PCCA: variants seen among roughly 807,000 people sequenced by gnomAD.
PCCA encodes the protein propionyl-CoA carboxylase subunit alpha.
In PCCA, 74 loss-of-function variants were observed where a neutral mutation model predicts 101.3. The observed-to-expected ratio is 0.73, with a 90% confidence interval of 0.61 to 0.89. The LOEUF (loss-of-function observed/expected upper bound fraction) is 0.89, where lower values mean the gene tolerates loss of function less well. Ranked by LOEUF, PCCA falls within the 40% of genes least tolerant of loss-of-function variation. PCCA has a pLI of 0.00. For missense variants in PCCA, 891 were observed against 907.0 expected (o/e 0.98, Z 0.23); for synonymous variants, 294 against 313.6 (o/e 0.94, Z 0.66).
At chr13:100,527,442 C>G (rs2087937544) in intron 22 of PCCA, 1 of 564,246 alleles carries the variant, frequency 1.8e-6, no homozygotes, top group African/African-American at 1.9e-5. Flanking sequence ...GTCCCCACTT[C>G]TCCAGGGTCA....
At chr13:100,325,347 G>A (rs1419496058) in intron 16 of PCCA, among the ~76,000 whole-genome samples, 1 of 152,172 alleles carries the variant, frequency 6.6e-6, no homozygotes, top group African/African-American at 2.4e-5. Context: ...GCTGGAGAAT[G>A]TATTGCCAAC....
Position 100,241,471 on chromosome 13 carries a change from T to C in PCCA, c.637+5593T>C, listed in dbSNP as rs1167068341. Among the ~76,000 whole-genome samples the C allele has an allele frequency of 3.9e-5, 6 of 152,136 alleles. No individual in the cohort carries two copies. The East Asian group carries it at 1.2e-3, about 29-fold the overall frequency. On this transcript the variant is annotated intron_variant, in intron 8 of 23. Coordinates refer to ENST00000376285, the MANE Select transcript of PCCA (RefSeq NM_000282.4). Reference sequence around the variant, plus strand: ...TATTGTATGTACATGCCACATTTTGTCTGTTTTTTATTTTTTTGAGATAGG... The same window carrying C: ...TATTGTATGTACATGCCACATTTTGCCTGTTTTTTATTTTTTTGAGATAGG...
intron 12 of PCCA, among the ~76,000 whole-genome samples, chr13:100,284,224 G>T (rs1267423387): frequency 6.6e-6 from 1 of 152,212 alleles, no homozygotes; most frequent in African/African-American, 2.4e-5. Context: ...CTTTTCACAT[G>T]CCTTTCTTGT....
chr13:100,410,331 C>G (rs1203620220), intron 19 of PCCA, among the ~76,000 whole-genome samples: 1 of 152,220 alleles, frequency 6.6e-6, no homozygotes, highest in African/African-American at 2.4e-5. Flanking sequence ...CAACCTCCAC[C>G]TCCTGGGTTC....
At chr13:100,132,470 A>G (rs1341111860) in intron 4 of PCCA, among the ~76,000 whole-genome samples, 1 of 152,136 alleles carries the variant, frequency 6.6e-6, no homozygotes, top group Non-Finnish European at 1.5e-5. Context: ...ATTCATCCAA[A>G]CTGTTGTGTG....
intron 2 of PCCA, among the ~76,000 whole-genome samples, chr13:100,105,486 T>A (rs1438677589): frequency 6.6e-6 from 1 of 151,980 alleles, no homozygotes; most frequent in Non-Finnish European, 1.5e-5. Flanking sequence ...TTCAGCCATC[T>A]TTCTCCTTAT....
chr13:100,436,174 C>T (rs986371296), intron 20 of PCCA, among the ~76,000 whole-genome samples: 1 of 152,168 alleles, frequency 6.6e-6, no homozygotes, highest in African/African-American at 2.4e-5. Flanking sequence ...TAGAAGTTTT[C>T]CATTGATTAC....
intron 12 of PCCA, among the ~76,000 whole-genome samples, chr13:100,278,529 TG>T (rs896672575): frequency 1.3e-5 from 2 of 151,692 alleles, no homozygotes; most frequent in African/African-American, 4.8e-5. Flanking sequence ...GTCACCAGGC[TG>T]GGGTGCAGTG....
chr13:100,513,012 C>T (rs1229332562), intron 21 of PCCA, among the ~76,000 whole-genome samples: 1 of 152,210 alleles, frequency 6.6e-6, no homozygotes, highest in Non-Finnish European at 1.5e-5. Flanking sequence ...TAAATGACTT[C>T]TTTTCTGGGG....
rs764316702 is a variant in PCCA, at chr13:100,257,590, G to A, written c.638-5G>A. Reference sequence around the variant, plus strand: ...AACTTCTGTCTAATTCTTCCCTGCTGTTAGGCTACCCTGTCATGATCAAGG... The same window carrying A: ...AACTTCTGTCTAATTCTTCCCTGCTATTAGGCTACCCTGTCATGATCAAGG... On this transcript the variant is annotated splice_region_variant and splice_polypyrimidine_tract_variant and intron_variant, in intron 8 of 23. Coordinates refer to ENST00000376285, the MANE Select transcript of PCCA (RefSeq NM_000282.4). The A allele has an allele frequency of 1.3e-5, 21 of 1,610,768 alleles. No homozygotes were observed. Among genetic ancestry groups the A allele is most frequent in the Non-Finnish European group, 1.7e-5 (20 of 1,177,638 alleles).
At chr13:100,366,631 C>T (rs1359392681) in intron 18 of PCCA, among the ~76,000 whole-genome samples, 1 of 152,038 alleles carries the variant, frequency 6.6e-6, no homozygotes. Context: ...TTTCCCTCTC[C>T]TCCTCCCCTC....
At chr13:100,472,520 G>A (rs1263210678) in intron 21 of PCCA, among the ~76,000 whole-genome samples, 1 of 152,184 alleles carries the variant, frequency 6.6e-6, no homozygotes, top group African/African-American at 2.4e-5. Context: ...TCACCTAAGA[G>A]AAGGGGGCAC....
Position 100,321,732 on chromosome 13 carries a change from A to C in PCCA, c.1430-8829A>C, listed in dbSNP as rs375315576. Among the ~76,000 whole-genome samples, 16 of 152,120 alleles carry C rather than the reference A, an allele frequency of 1.1e-4. 1 individual carries two copies. In the East Asian group the frequency reaches 1.5e-3, roughly 15 times the overall value. ...TTTTCCATGGAATTTTTGTGTAGCT[A>C]AAGGAATAGCATTAATTTGAATTTG... On this transcript the variant is annotated intron_variant, in intron 16 of 23. Transcript: ENST00000376285.
chr13:100,519,089 C>T (rs1446598878), intron 22 of PCCA, among the ~76,000 whole-genome samples: 3 of 152,200 alleles, frequency 2.0e-5, no homozygotes, highest in Non-Finnish European at 2.9e-5. Context: ...ATAAGATAGT[C>T]ACCCAAGGAG....
intron 14 of PCCA, among the ~76,000 whole-genome samples, chr13:100,306,870 G>C (rs768231017): frequency 1.3e-5 from 2 of 152,208 alleles, no homozygotes; most frequent in African/African-American, 4.8e-5. Flanking sequence ...CAGTTAGCAA[G>C]GGCATCGTCC....
At chr13:100,429,443 A>G (rs1038130630) in intron 20 of PCCA, among the ~76,000 whole-genome samples, 1 of 152,212 alleles carries the variant, frequency 6.6e-6, no homozygotes, top group East Asian at 1.9e-4. Context: ...ATTGATTACT[A>G]TAGTAACTGT....
intron 21 of PCCA, among the ~76,000 whole-genome samples, chr13:100,462,202 G>A (rs192018596): frequency 7.2e-5 from 11 of 152,234 alleles, no homozygotes; most frequent in Admixed American, 6.5e-4. Context: ...TTGTTTCTGT[G>A]GTAATGTGTG....
chr13:100,189,052 G>A (rs2057542857), intron 6 of PCCA, among the ~76,000 whole-genome samples: 1 of 151,818 alleles, frequency 6.6e-6, no homozygotes, highest in Non-Finnish European at 1.5e-5. Context: ...CCCACCCCCT[G>A]ACAGGCCCCG....
intron 4 of PCCA, among the ~76,000 whole-genome samples, chr13:100,153,984 TA>T (rs2053624414): frequency 6.6e-6 from 1 of 152,158 alleles, no homozygotes; most frequent in Non-Finnish European, 1.5e-5. Context: ...ACAAAGTATT[TA>T]AAAATTATTT....
Sources: allele counts gnomAD v4.1 joint callset (sites outside exome capture counted in the v4.1 genomes callset), GRCh38; gene constraint gnomAD v4.1.1; transcripts MANE v1.5; gene names NCBI Gene and HGNC (gene_info 2026-07-23, HGNC 2026-07-21).